NTNG1: variants seen among roughly 807,000 people sequenced by gnomAD.
NTNG1 encodes the protein netrin G1.
In NTNG1, 16 loss-of-function variants were observed where a neutral mutation model predicts 54.0. That is an observed-to-expected ratio of 0.30 (90% CI 0.20 to 0.45). NTNG1 has a LOEUF of 0.45. Among genes scored for constraint, NTNG1 ranks in the 20% least tolerant of loss-of-function variants. NTNG1 has a pLI of 1.00. For synonymous variants in NTNG1, 255 were observed against 263.1 expected (o/e 0.97, Z 0.30); for missense variants, 530 against 678.7 (o/e 0.78, Z 2.43).
chr1:107,267,557 G>A (rs1663833028), intron 2 of NTNG1, among the ~76,000 whole-genome samples: 2 of 152,184 alleles, frequency 1.3e-5, no homozygotes, highest in South Asian at 4.2e-4. Context: ...ACTTCTTTCA[G>A]ATCTACCTAA....
intron 7 of NTNG1, among the ~76,000 whole-genome samples, chr1:107,471,393 A>G (rs892055189): frequency 6.6e-5 from 10 of 152,144 alleles, no homozygotes; most frequent in Admixed American, 6.5e-5. Context: ...GCATTTTCAC[A>G]TGAGTCTACC....
intron 7 of NTNG1, among the ~76,000 whole-genome samples, chr1:107,462,610 C>T (rs1276745349): frequency 6.6e-6 from 1 of 152,308 alleles, no homozygotes; most frequent in African/African-American, 2.4e-5. Context: ...TCAACATGTG[C>T]TTTTCCTTTA....
intron 2 of NTNG1, among the ~76,000 whole-genome samples, chr1:107,311,790 G>A (rs756979939): frequency 2.0e-5 from 3 of 151,260 alleles, no homozygotes; most frequent in Non-Finnish European, 4.4e-5. Context: ...AAGAATTATA[G>A]TAGGAGAGAT....
rs762857326 is a variant in NTNG1, at chr1:107,179,478, A to AT, written c.246+30647dup. Among the ~76,000 whole-genome samples, 161 of 151,678 alleles carry AT rather than the reference A, an allele frequency of 1.1e-3. 1 individual carries two copies. The highest frequency in any genetic ancestry group is 4.7e-4 in the Non-Finnish European group (32 of 67,908). On this transcript the variant is annotated intron_variant, in intron 2 of 7. Transcript: ENST00000370068. ...TTTTTCCAGGCATTTATTTCAATGT[A>AT]TTTTTTTTAAAATTGACAATACAAA... is the stretch of plus-strand genomic sequence containing the variant.
At chr1:107,267,594 C>A (rs1663834916) in intron 2 of NTNG1, among the ~76,000 whole-genome samples, 1 of 152,098 alleles carries the variant, frequency 6.6e-6, no homozygotes, top group African/African-American at 2.4e-5. Flanking sequence ...TGCACTTTTC[C>A]ATTCCCAGTA....
At chr1:107,236,062 A>G (rs1357599165) in intron 2 of NTNG1, among the ~76,000 whole-genome samples, 1 of 152,206 alleles carries the variant, frequency 6.6e-6, no homozygotes, top group Non-Finnish European at 1.5e-5. Flanking sequence ...CATTTTACAC[A>G]TGTGTGCACA....
At chr1:107,268,467 CTTGG>C (rs1663899320) in intron 2 of NTNG1, among the ~76,000 whole-genome samples, 1 of 149,076 alleles carries the variant, frequency 6.7e-6, no homozygotes, top group African/African-American at 2.5e-5. Flanking sequence ...GACTCCTGAT[CTTGG>C]CTGTCTCTCA....
At chr1:107,246,408 C>CAAA (rs61237534) in intron 2 of NTNG1, among the ~76,000 whole-genome samples, 131 of 138,598 alleles carry the variant, frequency 9.5e-4, no homozygotes, top group African/African-American at 3.3e-3. Context: ...CTTGTTTAAG[C>CAAA]AAAAAAAAAA....
intron 2 of NTNG1, among the ~76,000 whole-genome samples, chr1:107,321,631 C>A (rs1445741841): frequency 6.6e-6 from 1 of 152,050 alleles, no homozygotes; most frequent in Non-Finnish European, 1.5e-5. Context: ...GAAAGAGACT[C>A]CGTGGTCACA....
chr1:107,292,376 A>G (rs1557874604), intron 2 of NTNG1, among the ~76,000 whole-genome samples: 2 of 152,162 alleles, frequency 1.3e-5, no homozygotes, highest in Non-Finnish European at 2.9e-5. Flanking sequence ...GAAATGTTAC[A>G]GTAGGTAGCT....
chr1:107,173,316 A>T (rs1557779940), intron 2 of NTNG1, among the ~76,000 whole-genome samples: 2 of 152,072 alleles, frequency 1.3e-5, no homozygotes, highest in Non-Finnish European at 1.5e-5. Flanking sequence ...TTAGTCTAGG[A>T]TACAGAAAGA....
intron 2 of NTNG1, among the ~76,000 whole-genome samples, chr1:107,258,802 T>A (rs1570515586): frequency 6.6e-6 from 1 of 152,172 alleles, no homozygotes; most frequent in South Asian, 2.1e-4. Flanking sequence ...GCAGGCGCAA[T>A]CTTGAGGAAC....
intron 3 of NTNG1, among the ~76,000 whole-genome samples, chr1:107,340,254 A>G (rs1422054277): frequency 1.3e-5 from 2 of 152,014 alleles, no homozygotes; most frequent in African/African-American, 4.8e-5. Context: ...TCCTTTCCCT[A>G]AGATAGGCAT....
intron 7 of NTNG1, among the ~76,000 whole-genome samples, chr1:107,477,886 G>A (rs1184958666): frequency 6.6e-6 from 1 of 152,126 alleles, no homozygotes; most frequent in Non-Finnish European, 1.5e-5. Flanking sequence ...GAATTGATAA[G>A]GGCATTTTAA....
intron 7 of NTNG1, among the ~76,000 whole-genome samples, chr1:107,438,707 G>A (rs1675763443): frequency 6.6e-6 from 1 of 152,160 alleles, no homozygotes; most frequent in Non-Finnish European, 1.5e-5. Context: ...AGACTTGGGA[G>A]AGGAAAATAA....
rs185738146 is a variant in NTNG1 at position 107,158,621 on chromosome 1, G to T, written c.246+9782G>T. ...TGTGGCATTTTGTTGCTTTCCTGTT[G>T]CTCCCTTTCCTTCTTGGAAATTGTA... is the stretch of plus-strand genomic sequence containing the variant. On this transcript the variant is annotated intron_variant, in intron 2 of 7. Coordinates refer to ENST00000370068, the MANE Select transcript of NTNG1 (RefSeq NM_001113226.3). 1.6e-3 allele frequency among the ~76,000 whole-genome samples: 247 copies of T among 152,154 alleles called. 1 individual carries two copies. Among genetic ancestry groups the T allele is most frequent in the African/African-American group, 5.7e-3 (238 of 41,508 alleles).
intron 3 of NTNG1, among the ~76,000 whole-genome samples, chr1:107,339,903 A>G (rs1047383715): frequency 3.9e-5 from 6 of 152,058 alleles, no homozygotes; most frequent in Non-Finnish European, 5.9e-5. Flanking sequence ...TCAAGTTGCT[A>G]CCATCTGGAT....
chr1:107,260,613 T>C (rs1663249640), intron 2 of NTNG1, among the ~76,000 whole-genome samples: 1 of 152,196 alleles, frequency 6.6e-6, no homozygotes, highest in South Asian at 2.1e-4. Context: ...TTACAAACCA[T>C]GTGTTTCAAG....
chr1:107,227,861 G>A (rs1057114370), intron 2 of NTNG1, among the ~76,000 whole-genome samples: 6 of 152,154 alleles, frequency 3.9e-5, no homozygotes, highest in Admixed American at 1.3e-4. Context: ...TCAACAGAAC[G>A]TCATTGTGAA....
Sources: gnomAD v4.1 joint callset for allele counts (sites outside exome capture counted in the v4.1 genomes callset) on GRCh38, gnomAD v4.1.1 for gene constraint, MANE v1.5 for transcripts, NCBI Gene and HGNC (gene_info 2026-07-23, HGNC 2026-07-21) for gene names.